The following TENM4 variants were observed in gnomAD, a reference collection of about 807,000 sequenced individuals.
The protein encoded by TENM4 is teneurin transmembrane protein 4, also known as teneurin-4.
In TENM4, 82 loss-of-function variants were observed where a neutral mutation model predicts 243.3. The observed-to-expected ratio is 0.34, with a 90% CI of 0.28 to 0.40. TENM4 has a LOEUF of 0.40. Ranked by LOEUF, TENM4 falls within the 10% of genes least tolerant of loss-of-function variation. TENM4 has a pLI of 1.00. For missense variants in TENM4, 3,138 were observed against 3,673.3 expected (o/e 0.85, Z 3.77); for synonymous variants, 1,412 against 1,456.3 (o/e 0.97, Z 0.69).
chr11:79,115,678 G>A (rs942581352), intron 4 of TENM4, among the ~76,000 whole-genome samples: 1 of 152,198 alleles, frequency 6.6e-6, no homozygotes, highest in African/African-American at 2.4e-5. Context: ...GCTGGCCTCA[G>A]ATGCTGTCCC....
chr11:79,144,251 A>T (rs1862350444), intron 4 of TENM4, among the ~76,000 whole-genome samples: 1 of 152,084 alleles, frequency 6.6e-6, no homozygotes, highest in South Asian at 2.1e-4. Flanking sequence ...ACTACATGAG[A>T]CATCATTTCA....
intron 7 of TENM4, among the ~76,000 whole-genome samples, chr11:78,901,567 A>T (rs1353128640): frequency 1.3e-5 from 2 of 152,122 alleles, no homozygotes; most frequent in Non-Finnish European, 2.9e-5. Context: ...GGAAGTTCTA[A>T]CTTGATCCTA....
chr11:79,181,338 A>T (rs1863278235), intron 3 of TENM4, among the ~76,000 whole-genome samples: 1 of 152,192 alleles, frequency 6.6e-6, no homozygotes, highest in Non-Finnish European at 1.5e-5. Flanking sequence ...AAAAAAGAAA[A>T]ACCAAATAAT....
chr11:79,406,208 A>G (rs1375612945), intron 1 of TENM4, among the ~76,000 whole-genome samples: 1 of 152,008 alleles, frequency 6.6e-6, no homozygotes, highest in Non-Finnish European at 1.5e-5. Context: ...TTTCTGCCAC[A>G]CCCCCAGCCT....
At chr11:79,389,642 G>C (rs554811477) in intron 1 of TENM4, among the ~76,000 whole-genome samples, 1 of 152,316 alleles carries the variant, frequency 6.6e-6, no homozygotes, top group Non-Finnish European at 1.5e-5. Flanking sequence ...GGTTTTTACA[G>C]ATCAATATTT....
chr11:78,917,526 T>G (rs1201638537), intron 6 of TENM4, among the ~76,000 whole-genome samples: 2 of 152,166 alleles, frequency 1.3e-5, no homozygotes, highest in African/African-American at 4.8e-5. Flanking sequence ...CAGGAGATCT[T>G]GGGCAGGTAT....
At chr11:79,039,022 G>A (rs749884557) in intron 6 of TENM4, among the ~76,000 whole-genome samples, 1 of 152,178 alleles carries the variant, frequency 6.6e-6, no homozygotes, top group Non-Finnish European at 1.5e-5. Context: ...ATGTACCCCA[G>A]GGGGGCCTCA....
intron 15 of TENM4, among the ~76,000 whole-genome samples, chr11:78,796,706 C>T (rs967274794): frequency 6.6e-6 from 1 of 152,154 alleles, no homozygotes; most frequent in Admixed American, 6.5e-5. Context: ...GCTGGCTTTC[C>T]TCATCTTTTC....
At chr11:79,063,401 C>T (rs1396715502) in intron 6 of TENM4, among the ~76,000 whole-genome samples, 1 of 152,202 alleles carries the variant, frequency 6.6e-6, no homozygotes, top group East Asian at 1.9e-4. Flanking sequence ...AGGCTAGGTG[C>T]TTCCTATTCT....
chr11:79,203,741 G>T lies in TENM4; in HGVS notation c.-163+12067C>A, dbSNP rs975776009. 7.9e-5 allele frequency among the ~76,000 whole-genome samples: 12 copies of T among 152,280 alleles called. No homozygotes were observed. In the South Asian group the frequency reaches 1.2e-3, roughly 16 times the overall value. The stretch of plus-strand genomic sequence containing the variant: ...AATTGTGGATTTCTATCTGCAGTTG[G>T]TTGAATTCATAGATGCAAAACCTGT... On this transcript the variant is annotated intron_variant, in intron 3 of 33. Transcript: ENST00000278550.
chr11:79,044,329 G>A (rs190035005), intron 6 of TENM4, among the ~76,000 whole-genome samples: 4 of 152,302 alleles, frequency 2.6e-5, no homozygotes, highest in African/African-American at 9.6e-5. Context: ...GAAGGTCAGG[G>A]CACTAATAAA....
chr11:78,962,156 C>G (rs1246198614), intron 6 of TENM4: 1 of 152,642 alleles, frequency 6.6e-6, no homozygotes, highest in African/African-American at 2.4e-5. Context: ...TCGCCGCGAC[C>G]CCCAGGCTGG....
At chr11:78,676,920 A>G (rs1858492783) in intron 29 of TENM4, among the ~76,000 whole-genome samples, 1 of 152,212 alleles carries the variant, frequency 6.6e-6, no homozygotes, top group South Asian at 2.1e-4. Flanking sequence ...CTCCACTTAT[A>G]TGAAATGTCC....
At chr11:78,980,698 G>A (rs552095600) in intron 6 of TENM4, among the ~76,000 whole-genome samples, 22 of 152,164 alleles carry the variant, frequency 1.4e-4, no homozygotes, top group Non-Finnish European at 2.6e-4. Flanking sequence ...CGTGGGCAAA[G>A]TTTTAGTTTT....
Position 79,004,013 on chromosome 11 carries a change from T to C in TENM4, c.493+60725A>G, listed in dbSNP as rs1352802677. ...ATTTCAGAAAAAAAAAAAAACAGAC[T>C]TTAAACCAACAAAGATCAAAAAAGA... is the stretch of plus-strand genomic sequence containing the variant. On this transcript the variant is annotated intron_variant, in intron 6 of 33. Coordinates refer to ENST00000278550, the MANE Select transcript of TENM4 (RefSeq NM_001098816.3). 2.1e-5 allele frequency among the ~76,000 whole-genome samples: 3 copies of C among 145,320 alleles called. No individual in the cohort carries two copies. In the East Asian group the frequency reaches 6.0e-4, roughly 29 times the overall value.
At chr11:78,674,102 T>C (rs7121199) in intron 30 of TENM4, among the ~76,000 whole-genome samples, 106,376 of 152,140 alleles carry the variant, frequency 0.7, 38,332 homozygotes, top group African/African-American at 0.79. Flanking sequence ...CAGCCAGCTG[T>C]CCCCCTTTCT....
chr11:78,716,178 CTG>C (rs927799748), intron 25 of TENM4, among the ~76,000 whole-genome samples: 4 of 152,110 alleles, frequency 2.6e-5, no homozygotes, highest in Non-Finnish European at 5.9e-5. Context: ...ACTCCAAAGT[CTG>C]TGTTCTTTCT....
chr11:78,787,150 G>A (rs2136038932), intron 15 of TENM4, 67 bp from the exon 16 acceptor site: 1 of 1,454,882 alleles, frequency 6.9e-7, no homozygotes, highest in South Asian at 1.4e-5. Flanking sequence ...CAGAGGGGCA[G>A]GGGAGAGAGG....
chr11:78,942,785 A>G (rs1375684053), intron 6 of TENM4, among the ~76,000 whole-genome samples: 1 of 151,122 alleles, frequency 6.6e-6, no homozygotes, highest in Non-Finnish European at 1.5e-5. Flanking sequence ...CTCCTACGTA[A>G]AATTTATTAT....
Sources: allele counts gnomAD v4.1 joint callset (sites outside exome capture counted in the v4.1 genomes callset), GRCh38; gene constraint gnomAD v4.1.1; transcripts MANE v1.5; gene names NCBI Gene and HGNC (gene_info 2026-07-23, HGNC 2026-07-21).